Variants in NDUFAF6 observed in about 807,000 individuals in gnomAD.
The protein encoded by NDUFAF6 is NADH:ubiquinone oxidoreductase complex assembly factor 6, also known as NADH dehydrogenase (ubiquinone) complex I, assembly factor 6.
Under a neutral mutation model 40.8 loss-of-function variants are expected in NDUFAF6, and 45 were observed. That is an observed-to-expected ratio of 1.10 (90% confidence interval 0.87 to 1.42). NDUFAF6 has a LOEUF of 1.42. Among genes scored for constraint, NDUFAF6 ranks in the 40% most tolerant of loss-of-function variants. The pLI is 0.00. For missense variants in NDUFAF6, 435 were observed against 418.5 expected, an observed-to-expected ratio of 1.04 and a Z score of -0.34; for synonymous variants, 185 against 155.9, an observed-to-expected ratio of 1.19 and a Z score of -1.39.
At chr8:95,084,776 A>G (rs142828084) in intron 2 of NDUFAF6, among the ~76,000 whole-genome samples, 454 of 152,344 alleles carry the variant, frequency 3.0e-3, no homozygotes, top group African/African-American at 9.9e-3. Context: ...TGTCTGTACC[A>G]AAACAACACT....
At chr8:95,086,443 A>AGTT (rs1296102091) in intron 2 of NDUFAF6, among the ~76,000 whole-genome samples, 2 of 152,124 alleles carry the variant, frequency 1.3e-5, no homozygotes, top group Admixed American at 1.3e-4. Context: ...CCCAGTCCCT[A>AGTT]GTTAATCCCT....
chr8:94,897,888 A>G (rs1000370794), intron 1 of NDUFAF6, among the ~76,000 whole-genome samples: 3 of 152,114 alleles, frequency 2.0e-5, no homozygotes, highest in Non-Finnish European at 2.9e-5. Flanking sequence ...TCAAAGGCAT[A>G]TATAGTAGGA....
chr8:95,018,882 A>G (rs1344237297), intron 2 of NDUFAF6, among the ~76,000 whole-genome samples: 2 of 152,202 alleles, frequency 1.3e-5, no homozygotes. Context: ...TTCCCTGGGT[A>G]CTTGACTTAG....
downstream of NDUFAF6, chr8:95,058,834 A>C (rs1832484543): frequency 1.0e-6 from 1 of 954,428 alleles, no homozygotes; most frequent in African/African-American, 1.8e-5. Context: ...TTGTTCATTA[A>C]ACTTTTAAAT....
chr8:94,989,634 T>C (rs1826105144), intron 2 of NDUFAF6, among the ~76,000 whole-genome samples: 1 of 152,206 alleles, frequency 6.6e-6, no homozygotes, highest in Admixed American at 6.5e-5. Flanking sequence ...ACTCAGCCAA[T>C]AAACTTTTAC....
chr8:95,016,519 C>T (rs545836213), intron 2 of NDUFAF6, among the ~76,000 whole-genome samples: 9 of 152,182 alleles, frequency 5.9e-5, no homozygotes, highest in East Asian at 3.9e-4. Flanking sequence ...CTGAGGTGGG[C>T]GGATCATGAG....
At chr8:95,083,981 C>A (rs1563860259) in intron 2 of NDUFAF6, among the ~76,000 whole-genome samples, 1 of 152,100 alleles carries the variant, frequency 6.6e-6, no homozygotes, top group Non-Finnish European at 1.5e-5. Context: ...AGATTAAGGA[C>A]TTCTGTTGTA....
intron 1 of NDUFAF6, among the ~76,000 whole-genome samples, chr8:94,922,971 C>CT (rs1489139139): frequency 3.3e-5 from 5 of 152,160 alleles, no homozygotes; most frequent in Admixed American, 2.6e-4. Context: ...CCACAAGAGT[C>CT]ATTTTTTTTT....
intron 1 of NDUFAF6, chr8:94,975,892 T>G (rs573012878): frequency 6.6e-6 from 1 of 152,236 alleles, no homozygotes; most frequent in African/African-American, 2.4e-5. Context: ...TGGCTGCACA[T>G]TGGAATATCT....
At chr8:95,084,585 C>G (rs146279226) in intron 2 of NDUFAF6, among the ~76,000 whole-genome samples, 36 of 152,294 alleles carry the variant, frequency 2.4e-4, no homozygotes, top group Admixed American at 1.3e-3. Flanking sequence ...AACACATTGG[C>G]GTCACTTTCC....
In NDUFAF6 at chr8:94,914,065, C is replaced by T. The variant is rs186174546; in HGVS notation, c.-936+18138C>T. ...CTTTGGCCTCCTAGAGTTGGGATTA[C>T]AGGCGTGAGCCACCGCGCCCGGCCT... On this transcript the variant is annotated intron_variant, in intron 1 of 14. Coordinates refer to the NDUFAF6 transcript ENST00000396113. 6.0e-4 allele frequency among the ~76,000 whole-genome samples: 90 copies of T among 149,906 alleles called. No individual in the cohort carries two copies. In the East Asian group the frequency reaches 7.7e-3, roughly 13 times the overall value.
chr8:95,101,529 G>A (rs980784478), intron 2 of NDUFAF6, among the ~76,000 whole-genome samples: 2 of 152,130 alleles, frequency 1.3e-5, no homozygotes, highest in African/African-American at 4.8e-5. Context: ...ATGCTGTCAT[G>A]ATGAACTGTC....
chr8:95,031,923 A>T, intron 1 of NDUFAF6, 72 bp from the exon 2 acceptor site: 1 of 1,438,582 alleles, frequency 7.0e-7, no homozygotes, highest in Non-Finnish European at 9.8e-7. Context: ...GTTTTCAGTT[A>T]ATTTTAGTCA....
chr8:94,939,937 A>G (rs1821358314), intron 1 of NDUFAF6: 1 of 1,614,218 alleles, frequency 6.2e-7, no homozygotes, highest in Admixed American at 1.7e-5. Context: ...TATGCACAGC[A>G]TAGACAGACA....
intron 2 of NDUFAF6, among the ~76,000 whole-genome samples, chr8:95,007,379 C>T (rs1479531654): frequency 6.6e-6 from 1 of 151,822 alleles, no homozygotes; most frequent in Non-Finnish European, 1.5e-5. Flanking sequence ...TTTAAAAATC[C>T]ATGCGCCAGG....
intron 1 of NDUFAF6, among the ~76,000 whole-genome samples, chr8:94,967,646 G>A (rs530992112): frequency 3.3e-5 from 5 of 151,998 alleles, no homozygotes; most frequent in Non-Finnish European, 7.4e-5. Flanking sequence ...CTATCAAAAT[G>A]TCAGCCACCG....
intron 4 of NDUFAF6, among the ~76,000 whole-genome samples, 192 bp downstream of exon 4, chr8:95,041,818 C>T (rs777612472): frequency 2.2e-4 from 33 of 152,106 alleles, no homozygotes; most frequent in Non-Finnish European, 8.8e-5. Flanking sequence ...CAGACAAGCA[C>T]CAAGGCAGAG....
intron 2 of NDUFAF6, among the ~76,000 whole-genome samples, chr8:94,998,856 C>A (rs1346999801): frequency 6.6e-6 from 1 of 152,016 alleles, no homozygotes; most frequent in Non-Finnish European, 1.5e-5. Flanking sequence ...ATGCCAAGTC[C>A]TATAGATTAT....
chr8:94,977,005 G>A (rs912819360), intron 1 of NDUFAF6, among the ~76,000 whole-genome samples: 1 of 151,882 alleles, frequency 6.6e-6, no homozygotes, highest in Non-Finnish European at 1.5e-5. Context: ...ACAAAAATTA[G>A]CCAAGCGTGG....
Sources: allele counts gnomAD v4.1 joint callset (sites outside exome capture counted in the v4.1 genomes callset), GRCh38; gene constraint gnomAD v4.1.1; transcripts MANE v1.5; gene names NCBI Gene and HGNC (gene_info 2026-07-23, HGNC 2026-07-21).